HTR7: variants seen among roughly 807,000 people sequenced by gnomAD.
HTR7 encodes 5-HT-7.
In HTR7, 16 loss-of-function variants were observed where a neutral mutation model predicts 34.0. The ratio of observed to expected loss-of-function variants is 0.47; its 90% CI spans 0.32 to 0.71. The LOEUF is 0.71. Among genes scored for constraint, HTR7 ranks in the 30% least tolerant of loss-of-function variants. The pLI is 0.04. For synonymous variants in HTR7, 265 were observed against 260.2 expected (o/e 1.02, Z -0.18); for missense variants, 504 against 625.5 (o/e 0.81, Z 2.07).
chr10:90,819,196 G>T (rs755654376), intron 1 of HTR7, among the ~76,000 whole-genome samples: 1 of 152,174 alleles, frequency 6.6e-6, no homozygotes, highest in Non-Finnish European at 1.5e-5. Context: ...TTCTAAAACT[G>T]AATTGTGTTG....
chr10:90,766,490 G>A (rs1380089951), intron 1 of HTR7, among the ~76,000 whole-genome samples: 2 of 152,124 alleles, frequency 1.3e-5, no homozygotes, highest in African/African-American at 2.4e-5. Flanking sequence ...GCCATTCTAT[G>A]TCTTTTGTGT....
intron 1 of HTR7, among the ~76,000 whole-genome samples, chr10:90,853,649 C>G (rs974972175): frequency 6.6e-6 from 1 of 151,892 alleles, no homozygotes; most frequent in East Asian, 1.9e-4. Flanking sequence ...TAAATTAGCA[C>G]AAGGGAACTT....
chr10:90,798,491 G>T (rs1845574731), intron 1 of HTR7, among the ~76,000 whole-genome samples: 1 of 152,138 alleles, frequency 6.6e-6, no homozygotes, highest in African/African-American at 2.4e-5. Flanking sequence ...AAGGAGGGAG[G>T]ATCACTTGAG....
chr10:90,748,605 A>G (rs1844677784), intron 2 of HTR7, among the ~76,000 whole-genome samples: 1 of 152,230 alleles, frequency 6.6e-6, no homozygotes, highest in Non-Finnish European at 1.5e-5. Flanking sequence ...AATCACATCA[A>G]TTGCAATTCA....
Position 90,827,504 on chromosome 10 carries a change from G to C in HTR7, c.539+29629C>G, listed in dbSNP as rs1846096606. Among the ~76,000 whole-genome samples, 4 of 151,568 alleles carry C rather than the reference G, an allele frequency of 2.6e-5. No individual in the cohort carries two copies. In the South Asian group the frequency reaches 8.3e-4, roughly 32 times the overall value. On this transcript the variant is annotated intron_variant, in intron 1 of 3. Coordinates refer to ENST00000336152, the MANE Select transcript of HTR7 (RefSeq NM_019859.4). ...CACACTAACATACTTCACCTATAAAGACACACATAAACTGAAAAAAAAGAA... is the reference window on the plus strand; with the variant it reads ...CACACTAACATACTTCACCTATAAACACACACATAAACTGAAAAAAAAGAA...
rs557049577 is a variant in HTR7 at position 90,795,972 on chromosome 10, A to G, written c.540-46378T>C. ...AAGGAGTTATAGAGAGCAAGGTTTT[A>G]TCACGCAGATGAAGCCTCCAGGTAG... On this transcript the variant is annotated intron_variant, in intron 1 of 3. Coordinates refer to ENST00000336152, the MANE Select transcript of HTR7 (RefSeq NM_019859.4). 4.6e-5 allele frequency among the ~76,000 whole-genome samples: 7 copies of G among 152,360 alleles called. No individual in the cohort carries two copies. The South Asian group carries it at 1.4e-3, about 32-fold the overall frequency.
chr10:90,823,386 C>A (rs1021185356), intron 1 of HTR7, among the ~76,000 whole-genome samples: 10 of 152,202 alleles, frequency 6.6e-5, no homozygotes, highest in African/African-American at 1.7e-4. Flanking sequence ...GACTGCCCTG[C>A]TGGGTTTCAG....
chr10:90,783,218 G>T (rs1294848451), intron 1 of HTR7, among the ~76,000 whole-genome samples: 6 of 152,092 alleles, frequency 3.9e-5, no homozygotes, highest in Admixed American at 2.0e-4. Flanking sequence ...TTAGCCCCTA[G>T]CCCCATGAGT....
intron 1 of HTR7, among the ~76,000 whole-genome samples, chr10:90,798,788 G>A (rs1845579364): frequency 6.6e-6 from 1 of 152,188 alleles, no homozygotes; most frequent in Non-Finnish European, 1.5e-5. Context: ...CCTCCAAGCT[G>A]TCCTTGCTCA....
chr10:90,825,468 C>T (rs1846055994), intron 1 of HTR7, among the ~76,000 whole-genome samples: 1 of 152,190 alleles, frequency 6.6e-6, no homozygotes, highest in African/African-American at 2.4e-5. Flanking sequence ...CCACAAGCAT[C>T]AAGATCACCC....
intron 1 of HTR7, among the ~76,000 whole-genome samples, chr10:90,848,448 T>C (rs1846446946): frequency 6.6e-6 from 1 of 152,228 alleles, no homozygotes; most frequent in Non-Finnish European, 1.5e-5. Context: ...AATATTTTTG[T>C]CTATTTAAAA....
intron 2 of HTR7, 35 bp downstream of exon 2, chr10:90,748,804 G>C: frequency 1.3e-6 from 2 of 1,570,270 alleles, no homozygotes; most frequent in Non-Finnish European, 1.7e-6. Context: ...AAAGGGTTTG[G>C]GGGATAAAAG....
At chr10:90,855,282 T>C (rs977381574) in intron 1 of HTR7, among the ~76,000 whole-genome samples, 9 of 152,230 alleles carry the variant, frequency 5.9e-5, no homozygotes, top group Non-Finnish European at 8.8e-5. Flanking sequence ...AGGACATGCC[T>C]GCCGATGCTA....
At chr10:90,803,662 G>A (rs1046805899) in intron 1 of HTR7, among the ~76,000 whole-genome samples, 1 of 152,168 alleles carries the variant, frequency 6.6e-6, no homozygotes, top group Non-Finnish European at 1.5e-5. Flanking sequence ...ATCATCTGAT[G>A]GTTGCCTGAC....
At chr10:90,745,105 T>C (rs1844613423) in intron 2 of HTR7, among the ~76,000 whole-genome samples, 2 of 152,338 alleles carry the variant, frequency 1.3e-5, no homozygotes, top group African/African-American at 4.8e-5. Flanking sequence ...TGTCTCCACC[T>C]TTCCTTATTA....
intron 1 of HTR7, among the ~76,000 whole-genome samples, chr10:90,819,965 CTAT>C (rs1845953367): frequency 6.6e-6 from 1 of 151,942 alleles, no homozygotes; most frequent in African/African-American, 2.4e-5. Context: ...CAAAAAGCTA[CTAT>C]AATAGCTTAA....
intron 1 of HTR7, among the ~76,000 whole-genome samples, chr10:90,798,154 A>G (rs1008277106): frequency 6.6e-6 from 1 of 152,212 alleles, no homozygotes; most frequent in South Asian, 2.1e-4. Context: ...GCTTTAAAGA[A>G]GGCTAAAAAA....
At chr10:90,814,233 A>C (rs1027722429) in intron 1 of HTR7, among the ~76,000 whole-genome samples, 7 of 152,232 alleles carry the variant, frequency 4.6e-5, no homozygotes, top group Admixed American at 2.6e-4. Flanking sequence ...GGAGCACGCC[A>C]GATGCAGCTG....
In HTR7 at chr10:90,773,640, C is replaced by G. The variant is rs556261411; in HGVS notation, c.540-24046G>C. Among the ~76,000 whole-genome samples, 3 of 151,984 alleles carry G rather than the reference C, an allele frequency of 2.0e-5. No homozygotes were observed. In the South Asian group the frequency reaches 6.2e-4, roughly 32 times the overall value. On this transcript the variant is annotated intron_variant, in intron 1 of 3. Transcript: ENST00000336152. ...ACTCTTCCCAGCTGCTGGTAACCATCCTTCTACTCTCTATGTTCAATTGCT... is the reference window on the plus strand; with the variant it reads ...ACTCTTCCCAGCTGCTGGTAACCATGCTTCTACTCTCTATGTTCAATTGCT...
Sources: allele counts gnomAD v4.1 joint callset (sites outside exome capture counted in the v4.1 genomes callset), GRCh38; gene constraint gnomAD v4.1.1; transcripts MANE v1.5; gene names NCBI Gene and HGNC (gene_info 2026-07-23, HGNC 2026-07-21).